The following GIGYF1 variants were observed in gnomAD, a reference collection of about 807,000 sequenced individuals.
The protein encoded by GIGYF1 is GRB10 interacting GYF protein 1.
Under a neutral mutation model 147.1 loss-of-function variants are expected in GIGYF1, and 84 were observed. That is an observed-to-expected ratio of 0.57 (90% CI 0.48 to 0.68). GIGYF1 has a LOEUF of 0.68. GIGYF1 is among the 30% of genes least tolerant of loss of function. The probability of loss-of-function intolerance (pLI) is 0.00; values close to 1 mark genes in which losing one functional copy is unlikely to be tolerated. For missense variants in GIGYF1, 1,485 were observed against 1,393.7 expected (o/e 1.07, Z -1.04); for synonymous variants, 752 against 589.5 (o/e 1.28, Z -3.99).
chr7:100,683,697 C>T, intron 19 of GIGYF1, 65 bp from the exon 20 acceptor site: 1 of 1,566,016 alleles, frequency 6.4e-7, no homozygotes, highest in Admixed American at 1.7e-5. Context: ...TCTAGTCCAG[C>T]CGCAGCAGTG....
chr7:100,690,969 G>A (rs1253116332), intron 1 of GIGYF1, among the ~76,000 whole-genome samples: 1 of 151,824 alleles, frequency 6.6e-6, no homozygotes, highest in African/African-American at 2.4e-5. Context: ...ACAGGGGAGA[G>A]AGCAGGCCCA....
intron 24 of GIGYF1, 21 bp from the exon 25 acceptor site, chr7:100,682,256 G>A (rs771162903): frequency 1.6e-5 from 25 of 1,608,526 alleles, no homozygotes; most frequent in Non-Finnish European, 2.0e-5. Context: ...AGCGAAGGCT[G>A]TCAGGGCCCC....
intron 9 of GIGYF1, 22 bp downstream of exon 9, chr7:100,686,984 G>T: frequency 6.2e-7 from 1 of 1,613,422 alleles, no homozygotes; most frequent in Non-Finnish European, 8.5e-7. Flanking sequence ...CGCCCCGGCC[G>T]CCGCCCTCAG....
chr7:100,681,749 A>G lies in GIGYF1; in HGVS notation c.3078T>C (p.Ser1026=). ...SILGYSLHGS[S]GEIESVDDY Reference sequence around the variant, plus strand: ...AGTCATCCACGCTCTCGATCTCACCAGAAGATCCGTGCAGGGAGTACCCTG... The same window carrying G: ...AGTCATCCACGCTCTCGATCTCACCGGAAGATCCGTGCAGGGAGTACCCTG... The change falls in exon 27 of 27, where the codon TCT becomes TCC. Residue 1026 remains serine, a synonymous_variant. Transcript: ENST00000678049. The G allele has an allele frequency of 1.3e-6, 2 of 1,583,836 alleles. No individual in the cohort carries two copies. The highest frequency in any genetic ancestry group is 1.7e-6 in the Non-Finnish European group (2 of 1,164,268).
chr7:100,682,990 G>T (rs770860493), intron 22 of GIGYF1, 22 bp downstream of exon 22: 1 of 1,472,540 alleles, frequency 6.8e-7, no homozygotes, highest in Admixed American at 2.4e-5. Context: ...GGGGGAGCCC[G>T]GGAGGTTCCC....
rs990780981 is a variant in GIGYF1 at position 100,683,828 on chromosome 7, T to A, written c.1959A>T (p.Ser653=). The part of the protein sequence containing the change: ...GRLWDVHTSA[S]SQSGGEASLW... ...AGTCAGGCCACACACCTGACTGTGA[T>A]GAGGCTGAGGTATGTACGTCCCAGA... is the stretch of plus-strand genomic sequence containing the variant. Residue 653 remains serine, a synonymous_variant, in exon 19 of 27, where the codon TCA becomes TCT. Transcript: ENST00000678049. 6.4e-7 allele frequency: 1 copy of A among 1,573,096 alleles called. No homozygotes were observed. The highest frequency in any genetic ancestry group is 8.6e-7 in the Non-Finnish European group (1 of 1,158,350).
rs962744096 is a variant in GIGYF1, at chr7:100,694,157, G to C, written c.-1146C>G. On this transcript the variant is annotated 5_prime_UTR_variant, in exon 1 of 27. Coordinates refer to ENST00000678049, the MANE Select transcript of GIGYF1 (RefSeq NM_001375765.1). ...TCCCGGGGCGTGGGCGGCGCGCGGCGGGCGGGGGCCGGGGACGGCGACGGC... is the reference window on the plus strand; with the variant it reads ...TCCCGGGGCGTGGGCGGCGCGCGGCCGGCGGGGGCCGGGGACGGCGACGGC... 2.1e-5 allele frequency: 1 copy of C among 47,810 alleles called. No individual in the cohort carries two copies. Among genetic ancestry groups the C allele is most frequent in the African/African-American group, 9.3e-5 (1 of 10,770 alleles). The allele number at this position is 47,810 out of a possible 1,614,324, so 3.0% of individuals were successfully genotyped here. A position where few individuals can be genotyped will look rare whatever the true frequency, so the allele number is the denominator to read the frequency against.
At chr7:100,682,269 G>A (rs768176533) in intron 24 of GIGYF1, 34 bp from the exon 25 acceptor site, 14 of 1,608,116 alleles carry the variant, frequency 8.7e-6, no homozygotes, top group Middle Eastern at 3.3e-4. Context: ...AGGGCCCCCT[G>A]GCCGGGTCTG....
chr7:100,686,938 C>A, intron 9 of GIGYF1, 68 bp downstream of exon 9: 2 of 1,605,538 alleles, frequency 1.2e-6, no homozygotes, highest in Middle Eastern at 1.7e-4. Flanking sequence ...GAAATAAGCA[C>A]CCCCAGACTG....
intron 13 of GIGYF1, 82 bp downstream of exon 13, chr7:100,685,260 CCT>C (rs542631644): frequency 3.3e-6 from 5 of 1,535,080 alleles, no homozygotes; most frequent in South Asian, 1.3e-5. Context: ...ATGTGAATGC[CCT>C]GTGTGCCCAC....
rs749519464 is a variant in GIGYF1 at position 100,686,711 on chromosome 7, CCCTCCT to C, written c.626_631del (p.Glu209_Glu210del). ...GGGCCCTGCTCCGAGCCTCCAGCTG[CCCTCCT>C]CCTCCTCCTCCTGTTCCTCCCGTAG... On this transcript the variant is annotated inframe_deletion, in exon 10 of 27. Coordinates refer to ENST00000678049, the MANE Select transcript of GIGYF1 (RefSeq NM_001375765.1). The C allele has an allele frequency of 2.1e-5, 34 of 1,611,980 alleles. No homozygotes were observed. In the Admixed American group the frequency reaches 3.8e-4, roughly 18 times the overall value.
At position 100,682,216 on chromosome 7, in the gene GIGYF1, G is replaced by A. The variant is rs760670368; in HGVS notation, c.2781C>T (p.Ile927=). 40 of 1,612,530 alleles carry A rather than the reference G, an allele frequency of 2.5e-5. No homozygotes were observed. The highest frequency in any genetic ancestry group is 3.2e-5 in the Non-Finnish European group (38 of 1,179,890). The change falls in exon 25 of 27, where the codon ATC becomes ATT. Residue 927 remains isoleucine (I), a synonymous_variant. Coordinates refer to ENST00000678049, the MANE Select transcript of GIGYF1 (RefSeq NM_001375765.1). ...GSLDVPMAVA[I]LKEVESPYDV... Reference sequence around the variant, plus strand: ...CATAGGGGGATTCCACCTCCTTGAGGATCGCTACAGCCATGGGCACTGCAG... The same window carrying A: ...CATAGGGGGATTCCACCTCCTTGAGAATCGCTACAGCCATGGGCACTGCAG...
rs747928381 is a variant in GIGYF1 at position 100,683,846 on chromosome 7, G to T, written c.1941C>A (p.Asp647Glu). ...LSVPDSGRLW[D>E]VHTSASSQSG... ...ACTGTGATGAGGCTGAGGTATGTAC[G>T]TCCCAGAGGCGGCCCGAATCTGGCA... is the stretch of plus-strand genomic sequence containing the variant. Residue 647 changes from aspartate (D) to glutamate (E), a missense_variant, in exon 19 of 27, where the codon GAC (aspartate) becomes GAA (glutamate). Transcript: ENST00000678049. 1 of 1,569,456 alleles carries T rather than the reference G, an allele frequency of 6.4e-7. No homozygotes were observed. The highest frequency in any genetic ancestry group is 2.4e-5 in the East Asian group (1 of 42,468).
At chr7:100,685,912 G>T in intron 12 of GIGYF1, 62 bp downstream of exon 12, 1 of 1,420,498 alleles carries the variant, frequency 7.0e-7, no homozygotes, top group Non-Finnish European at 9.8e-7. Flanking sequence ...TGCCCAGCCC[G>T]GCAAAGAACA....
At position 100,684,640 on chromosome 7, in the gene GIGYF1, G is replaced by A. The variant is rs374141952; in HGVS notation, c.1463-24C>T. 3.7e-6 allele frequency: 6 copies of A among 1,613,826 alleles called. No homozygotes were observed. The East Asian group carries it at 6.7e-5, about 18-fold the overall frequency. The stretch of plus-strand genomic sequence containing the variant: ...GCCTGGACAGGGAGCGAGGGAGCGG[G>A]AGAACCACTGGGGTCACAGGGTATG... On this transcript the variant is annotated intron_variant, in intron 15 of 26. Coordinates refer to ENST00000678049, the MANE Select transcript of GIGYF1 (RefSeq NM_001375765.1).
In GIGYF1 at chr7:100,686,427, C is replaced by T. The variant is rs758847809; in HGVS notation, c.701G>A (p.Gly234Asp). The change falls in exon 11 of 27, where the codon GGT (glycine) becomes GAT (aspartate). Residue 234 changes from glycine to aspartate, a missense_variant. Gly to Asp is a moderately conservative substitution (Grantham distance 94, BLOSUM62 -1). Coordinates refer to ENST00000678049, the MANE Select transcript of GIGYF1 (RefSeq NM_001375765.1). ...DRWRSASPDGGPRSAGWREHG... is the reference protein window; with the variant it reads ...DRWRSASPDGDPRSAGWREHG... ...TTCCCGCCAGCCAGCAGAGCGGGGA[C>T]CACCATCTGCACAGGAAAAGTCAGG... 4.4e-5 allele frequency: 70 copies of T among 1,594,528 alleles called. No homozygotes were observed. Among genetic ancestry groups the T allele is most frequent in the Non-Finnish European group, 5.6e-5 (66 of 1,171,010 alleles).
At chr7:100,693,769 G>A (rs996585304) in intron 1 of GIGYF1, among the ~76,000 whole-genome samples, 98 of 151,948 alleles carry the variant, frequency 6.4e-4, no homozygotes, top group African/African-American at 2.0e-3. Context: ...CGCCGGCCCG[G>A]GAGGACGGCG....
intron 22 of GIGYF1, 33 bp from the exon 23 acceptor site, chr7:100,682,810 CA>C: frequency 6.6e-7 from 1 of 1,509,334 alleles, no homozygotes; most frequent in Non-Finnish European, 8.9e-7. Context: ...GTGGCTCAAA[CA>C]AAGGCACCCC....
chr7:100,682,556 G>C (rs1313127884), intron 23 of GIGYF1, 34 bp downstream of exon 23: 1 of 1,592,236 alleles, frequency 6.3e-7, no homozygotes, highest in Admixed American at 1.7e-5. Flanking sequence ...TTCCCCCTCA[G>C]GGCCATCCCG....
Sources: gnomAD v4.1 joint callset for allele counts (sites outside exome capture counted in the v4.1 genomes callset) on GRCh38, gnomAD v4.1.1 for gene constraint, MANE v1.5 for transcripts, NCBI Gene and HGNC (gene_info 2026-07-23, HGNC 2026-07-21) for gene names.